CUL4A: variants seen among roughly 807,000 people sequenced by gnomAD.
The protein encoded by CUL4A is cullin-4A.
In CUL4A, 16 loss-of-function variants were observed where a neutral mutation model predicts 95.5. That is an observed-to-expected ratio of 0.17 (90% CI 0.11 to 0.25). The LOEUF is 0.25. CUL4A is among the 10% of genes least tolerant of loss of function. The pLI is 1.00. For missense variants in CUL4A, 610 were observed against 937.0 expected (o/e 0.65, Z 4.56); for synonymous variants, 380 against 353.1 (o/e 1.08, Z -0.85).
At chr13:113,250,610 A>G (rs1192405227) in intron 15 of CUL4A, among the ~76,000 whole-genome samples, 1 of 152,196 alleles carries the variant, frequency 6.6e-6, no homozygotes, top group Non-Finnish European at 1.5e-5. Flanking sequence ...ATCCTCATTA[A>G]TACCAATCCA....
At chr13:113,215,480 G>GT (rs749163855) in intron 2 of CUL4A, among the ~76,000 whole-genome samples, 9 of 148,212 alleles carry the variant, frequency 6.1e-5, no homozygotes, top group Non-Finnish European at 1.2e-4. Context: ...AGGTCGCTAT[G>GT]TGACTATGGA....
intron 16 of CUL4A, among the ~76,000 whole-genome samples, chr13:113,253,772 G>A (rs1041537963): frequency 7.9e-5 from 12 of 152,116 alleles, no homozygotes; most frequent in African/African-American, 2.7e-4. Context: ...CTGTTATTAT[G>A]AGCGATTATT....
At chr13:113,223,254 G>A (rs1414688051) in intron 3 of CUL4A, among the ~76,000 whole-genome samples, 1 of 152,154 alleles carries the variant, frequency 6.6e-6, no homozygotes, top group Non-Finnish European at 1.5e-5. Context: ...GTCTCACCTG[G>A]GGAAATGTTA....
At chr13:113,214,516 C>T (rs889575340) in intron 2 of CUL4A, among the ~76,000 whole-genome samples, 4 of 151,874 alleles carry the variant, frequency 2.6e-5, no homozygotes. Flanking sequence ...CTCTCAGGCC[C>T]TTTAAAAAAA....
chr13:113,220,695 A>G (rs998487855), intron 3 of CUL4A, among the ~76,000 whole-genome samples: 24 of 152,190 alleles, frequency 1.6e-4, no homozygotes, highest in African/African-American at 5.1e-4. Context: ...TACCTGATCA[A>G]ATGAATCTTT....
chr13:113,209,021 C>A, upstream of CUL4A: 1 of 418,862 alleles, frequency 2.4e-6, no homozygotes, highest in South Asian at 1.1e-4. Flanking sequence ...GCCAGGGCCT[C>A]GGGGCGCGCG....
intron 10 of CUL4A, among the ~76,000 whole-genome samples, chr13:113,241,064 G>A (rs2041694861): frequency 6.6e-6 from 1 of 152,184 alleles, no homozygotes; most frequent in African/African-American, 2.4e-5. Context: ...TATCAGTCCA[G>A]CTGTGGAAAG....
intron 2 of CUL4A, among the ~76,000 whole-genome samples, chr13:113,215,269 G>A (rs911176696): frequency 1.3e-5 from 2 of 149,316 alleles, no homozygotes; most frequent in Non-Finnish European, 3.0e-5. Flanking sequence ...GGAGGTTGCT[G>A]TGTGACTATG....
intron 3 of CUL4A, among the ~76,000 whole-genome samples, chr13:113,220,151 G>A (rs1291698767): frequency 6.6e-6 from 1 of 152,198 alleles, no homozygotes; most frequent in Non-Finnish European, 1.5e-5. Context: ...AAACCATTCT[G>A]AGTTCATTGG....
intron 5 of CUL4A, among the ~76,000 whole-genome samples, chr13:113,232,234 G>A (rs1172512516): frequency 2.3e-4 from 1 of 4,444 alleles, no homozygotes; most frequent in East Asian, 5.7e-3. Context: ...ACCACTACCC[G>A]CCCACCACCA....
intron 11 of CUL4A, chr13:113,244,089 C>T (rs775125385): frequency 5.1e-6 from 1 of 196,162 alleles, no homozygotes; most frequent in Non-Finnish European, 1.0e-5. Flanking sequence ...GGCACTCCAG[C>T]GTCCGGGGCA....
At chr13:113,220,861 G>A (rs930716967) in intron 3 of CUL4A, among the ~76,000 whole-genome samples, 3 of 152,204 alleles carry the variant, frequency 2.0e-5, no homozygotes, top group Non-Finnish European at 2.9e-5. Flanking sequence ...TTATGGGAGA[G>A]GCAGGGGAAT....
intron 3 of CUL4A, among the ~76,000 whole-genome samples, chr13:113,227,510 T>C (rs2041148462): frequency 6.6e-6 from 1 of 152,216 alleles, no homozygotes; most frequent in Non-Finnish European, 1.5e-5. Flanking sequence ...CCTATGAATT[T>C]TGGGGGGACA....
rs113461740 is a variant in CUL4A, at chr13:113,261,819, C to G, written c.2184+1060C>G. 5.1e-4 allele frequency among the ~76,000 whole-genome samples: 78 copies of G among 152,098 alleles called. No homozygotes were observed. The East Asian group carries it at 8.7e-3, about 17-fold the overall frequency. ...TTTCTTTGAGATGGAGTCTTGCTGT[C>G]CCCCAGGATGGAGTGCAGTGGCACG... On this transcript the variant is annotated intron_variant, in intron 19 of 19. Coordinates refer to ENST00000375440, the MANE Select transcript of CUL4A (RefSeq NM_001008895.4).
At chr13:113,221,148 C>T (rs1347422750) in intron 3 of CUL4A, among the ~76,000 whole-genome samples, 1 of 152,152 alleles carries the variant, frequency 6.6e-6, no homozygotes, top group Non-Finnish European at 1.5e-5. Flanking sequence ...CTGGAAACCC[C>T]GAGCAGCGGG....
At chr13:113,235,888 A>G (rs1047991535) in intron 8 of CUL4A, among the ~76,000 whole-genome samples, 4 of 151,522 alleles carry the variant, frequency 2.6e-5, no homozygotes, top group South Asian at 4.2e-4. Flanking sequence ...GGAGAATGGC[A>G]TGAGCCCGGG....
At chr13:113,257,028 G>A (rs761720429) in intron 18 of CUL4A, among the ~76,000 whole-genome samples, 10 of 141,826 alleles carry the variant, frequency 7.1e-5, no homozygotes, top group African/African-American at 1.8e-4. Flanking sequence ...GGGTTCAAGC[G>A]ATTCTCCTGT....
Position 113,233,354 on chromosome 13 carries a change from T to C in CUL4A, c.675+15T>C, listed in dbSNP as rs1421782946. The C allele has an allele frequency of 9.3e-6, 15 of 1,608,656 alleles. No individual in the cohort carries two copies. Among genetic ancestry groups the C allele is most frequent in the East Asian group, 2.2e-5 (1 of 44,834 alleles). On this transcript the variant is annotated intron_variant, in intron 6 of 19. Transcript: ENST00000375440. ...CTGACCTGCAGGTGAGTGCTGCCTG[T>C]GCGGAAGATACCTGGGTACCTGCCC... is the stretch of plus-strand genomic sequence containing the variant.
At position 113,233,242 on chromosome 13, in the gene CUL4A, T is replaced by C. The variant is rs370026385; in HGVS notation, c.578T>C (p.Ile193Thr). ...ISDKMVQSKT[I>T]DGILLLIERE... ...GATAAAATGGTTCAGAGTAAAACCA[T>C]TGATGGAATCCTACTGCTGATCGAG... Residue 193 changes from isoleucine (I) to threonine (T), a missense_variant, in exon 6 of 20, where the codon ATT (isoleucine) becomes ACT (threonine). Around this residue, in one of 10 missense-constraint regions of CUL4A, gnomAD observed 97 missense variants for 100.3 expected, o/e 0.97. Coordinates refer to ENST00000375440, the MANE Select transcript of CUL4A (RefSeq NM_001008895.4). 8.1e-6 allele frequency: 13 copies of C among 1,614,036 alleles called. No individual in the cohort carries two copies. The African/African-American group carries it at 1.6e-4, about 20-fold the overall frequency.
Sources: allele counts gnomAD v4.1 joint callset (sites outside exome capture counted in the v4.1 genomes callset), GRCh38; gene constraint gnomAD v4.1.1; regional missense constraint gnomAD v4.1.1; transcripts MANE v1.5; gene names NCBI Gene and HGNC (gene_info 2026-07-23, HGNC 2026-07-21).